LRRC4C: variants seen among roughly 807,000 people sequenced by gnomAD.
LRRC4C encodes leucine rich repeat containing 4C.
In LRRC4C, 5 loss-of-function variants were observed where a neutral mutation model predicts 33.6. The ratio of observed to expected loss-of-function variants is 0.15; its 90% CI spans 0.08 to 0.31. LRRC4C has a LOEUF of 0.31. Ranked by LOEUF, LRRC4C falls within the 10% of genes least tolerant of loss-of-function variation. The pLI is 1.00. For missense variants in LRRC4C, 560 were observed against 796.7 expected (o/e 0.70, Z 3.58); for synonymous variants, 329 against 302.0 (o/e 1.09, Z -0.93).
At chr11:40,207,499 G>C (rs71482196) in intron 5 of LRRC4C, among the ~76,000 whole-genome samples, 1 of 152,108 alleles carries the variant, frequency 6.6e-6, no homozygotes, top group African/African-American at 2.4e-5. Context: ...TTACTCCAGA[G>C]GCTGAGGCAG....
At chr11:40,395,863 T>C (rs972543860) in intron 3 of LRRC4C, among the ~76,000 whole-genome samples, 1 of 152,160 alleles carries the variant, frequency 6.6e-6, no homozygotes, top group African/African-American at 2.4e-5. Context: ...CACATGCACC[T>C]GTAATCTCAC....
intron 5 of LRRC4C, among the ~76,000 whole-genome samples, chr11:40,174,031 T>C (rs1860266938): frequency 6.6e-6 from 1 of 152,148 alleles, no homozygotes; most frequent in African/African-American, 2.4e-5. Context: ...TTTTCTAAGC[T>C]CCAGCTTTTT....
chr11:40,958,913 A>T (rs1344202466), intron 1 of LRRC4C, among the ~76,000 whole-genome samples: 1 of 151,690 alleles, frequency 6.6e-6, no homozygotes, highest in African/African-American at 2.4e-5. Context: ...TGTCTCAAGA[A>T]GATTAGATCT....
chr11:40,521,031 A>C (rs566785999), intron 3 of LRRC4C, among the ~76,000 whole-genome samples: 1 of 152,324 alleles, frequency 6.6e-6, no homozygotes, highest in Non-Finnish European at 1.5e-5. Context: ...ACAAATGCAT[A>C]TGCAGGAATG....
intron 1 of LRRC4C, among the ~76,000 whole-genome samples, chr11:41,127,278 T>C (rs967431435): frequency 6.6e-6 from 1 of 151,540 alleles, no homozygotes; most frequent in Non-Finnish European, 1.5e-5. Flanking sequence ...TTAATTTTAG[T>C]ATTGAATAGT....
intron 3 of LRRC4C, among the ~76,000 whole-genome samples, chr11:40,497,808 T>A (rs1250363418): frequency 6.6e-6 from 1 of 152,150 alleles, no homozygotes; most frequent in African/African-American, 2.4e-5. Flanking sequence ...CTGAGGTGTT[T>A]GAGAAATAAA....
At chr11:41,349,304 G>A (rs553411809) in intron 1 of LRRC4C, among the ~76,000 whole-genome samples, 1 of 152,146 alleles carries the variant, frequency 6.6e-6, no homozygotes, top group East Asian at 1.9e-4. Context: ...ACTTTCCCCA[G>A]CCACTTTGCT....
At chr11:41,166,201 T>G (rs529920373) in intron 1 of LRRC4C, among the ~76,000 whole-genome samples, 6 of 152,282 alleles carry the variant, frequency 3.9e-5, no homozygotes, top group Admixed American at 3.3e-4. Flanking sequence ...ATATTAAGTT[T>G]TCAGCACAGA....
chr11:41,075,519 T>C (rs1156983808), intron 1 of LRRC4C, among the ~76,000 whole-genome samples: 1 of 152,110 alleles, frequency 6.6e-6, no homozygotes, highest in South Asian at 2.1e-4. Context: ...TTCCTGCAAT[T>C]GCTCCTTTTT....
chr11:41,381,937 T>A (rs995515873), intron 1 of LRRC4C, among the ~76,000 whole-genome samples: 7 of 151,246 alleles, frequency 4.6e-5, no homozygotes, highest in African/African-American at 1.7e-4. Flanking sequence ...TATATATGCA[T>A]ATATATAATC....
intron 1 of LRRC4C, among the ~76,000 whole-genome samples, chr11:41,453,380 C>G (rs946922573): frequency 6.6e-6 from 1 of 152,122 alleles, no homozygotes; most frequent in African/African-American, 2.4e-5. Flanking sequence ...AAGCACCTTT[C>G]AGAGGCCCCT....
chr11:40,386,574 G>T (rs535080601), intron 3 of LRRC4C, among the ~76,000 whole-genome samples: 1 of 152,012 alleles, frequency 6.6e-6, no homozygotes, highest in African/African-American at 2.4e-5. Flanking sequence ...GGTACTTTAC[G>T]CATTGAAGAG....
intron 2 of LRRC4C, among the ~76,000 whole-genome samples, chr11:40,681,322 T>C (rs1167214763): frequency 6.6e-6 from 1 of 152,186 alleles, no homozygotes; most frequent in Admixed American, 6.5e-5. Context: ...AGAGTCACAG[T>C]ATTATTAATT....
At position 41,132,853 on chromosome 11, in the gene LRRC4C, C is replaced by A. The variant is rs986153817; in HGVS notation, c.-495-199130G>T. ...GGACAATGTGGGCAGAACCATGGTG[C>A]AAATCACTGTTCTGTTGTTATCCCC... On this transcript the variant is annotated intron_variant, in intron 1 of 6. Coordinates refer to ENST00000528697, the MANE Select transcript of LRRC4C (RefSeq NM_001258419.2). Among the ~76,000 whole-genome samples the A allele has an allele frequency of 3.9e-5, 6 of 152,146 alleles. No individual in the cohort carries two copies. The South Asian group carries it at 6.2e-4, about 16-fold the overall frequency.
chr11:40,827,278 C>T lies in LRRC4C; in HGVS notation c.-407+106357G>A, dbSNP rs112662177. Reference sequence around the variant, plus strand: ...TCATGTCAGATTTCAAAACAGTGGGCCATACTAATTTGTATTCCTTAATGA... The same window carrying T: ...TCATGTCAGATTTCAAAACAGTGGGTCATACTAATTTGTATTCCTTAATGA... On this transcript the variant is annotated intron_variant, in intron 2 of 6. Transcript: ENST00000528697. Among the ~76,000 whole-genome samples the T allele has an allele frequency of 5.9e-3, 894 of 151,838 alleles. 5 individuals are homozygous for T. The highest frequency in any genetic ancestry group is 0.011 in the Non-Finnish European group (718 of 67,878).
chr11:41,006,062 A>T (rs1854730856), intron 1 of LRRC4C, among the ~76,000 whole-genome samples: 1 of 152,100 alleles, frequency 6.6e-6, no homozygotes, highest in Admixed American at 6.6e-5. Flanking sequence ...ATTTTGAAAA[A>T]CAATTAGAAG....
chr11:40,867,339 C>T (rs954063095), intron 2 of LRRC4C, among the ~76,000 whole-genome samples: 1 of 152,152 alleles, frequency 6.6e-6, no homozygotes, highest in Non-Finnish European at 1.5e-5. Context: ...AGTCCTGAAA[C>T]ATTGGCTAAG....
intron 1 of LRRC4C, among the ~76,000 whole-genome samples, chr11:41,177,246 G>A (rs1445368407): frequency 2.0e-5 from 3 of 152,148 alleles, no homozygotes; most frequent in Non-Finnish European, 4.4e-5. Context: ...AAGAGTGTAT[G>A]TTCATCAACG....
intron 2 of LRRC4C, among the ~76,000 whole-genome samples, chr11:40,925,917 CT>C (rs551919676): frequency 6.6e-6 from 1 of 152,130 alleles, no homozygotes; most frequent in South Asian, 2.1e-4. Flanking sequence ...TCTTTAGTTC[CT>C]TTCTATAACA....
Sources: gnomAD v4.1 joint callset for allele counts (sites outside exome capture counted in the v4.1 genomes callset) on GRCh38, gnomAD v4.1.1 for gene constraint, MANE v1.5 for transcripts, NCBI Gene and HGNC (gene_info 2026-07-23, HGNC 2026-07-21) for gene names.